SLC39A8: variants seen among roughly 807,000 people sequenced by gnomAD.
SLC39A8 encodes the protein solute carrier family 39 member 8.
SLC39A8 carries 15 observed loss-of-function variants against 40.4 expected under a neutral mutation model. That is an observed-to-expected ratio of 0.37 (90% CI 0.25 to 0.57). The LOEUF is 0.57. Among genes scored for constraint, SLC39A8 ranks in the 20% least tolerant of loss-of-function variants. SLC39A8 has a pLI of 0.75. For missense variants in SLC39A8, 472 were observed against 558.8 expected (o/e 0.84, Z 1.57); for synonymous variants, 223 against 221.6 (o/e 1.01, Z -0.06).
intron 6 of SLC39A8, among the ~76,000 whole-genome samples, chr4:102,295,570 C>A (rs1578585041): frequency 6.6e-6 from 1 of 152,052 alleles, no homozygotes; most frequent in East Asian, 1.9e-4. Context: ...AAGATAGGGT[C>A]TCACTGTTGC....
At chr4:102,344,375 G>A in intron 2 of SLC39A8, 69 bp downstream of exon 2, 1 of 1,087,450 alleles carries the variant, frequency 9.2e-7, no homozygotes, top group Non-Finnish European at 1.3e-6. Context: ...AAATAAAAAC[G>A]GCTCATATAC....
At chr4:102,338,468 T>G (rs555778063) in intron 2 of SLC39A8, among the ~76,000 whole-genome samples, 11 of 152,214 alleles carry the variant, frequency 7.2e-5, no homozygotes, top group South Asian at 4.2e-4. Context: ...TTACAGGCGT[T>G]AGCCACCGCG....
Position 102,304,313 on chromosome 4 carries a change from A to G in SLC39A8, c.840+4T>C, listed in dbSNP as rs1476672051. On this transcript the variant is annotated splice_donor_region_variant and intron_variant, in intron 6 of 8. Coordinates refer to ENST00000356736, the MANE Select transcript of SLC39A8 (RefSeq NM_001135146.2). ...AATGAAGGAAAAATGGAATTAACAT[A>G]TACCTGTAGAGATACCACACTGACA... 4 of 1,605,248 alleles carry G rather than the reference A, an allele frequency of 2.5e-6. No homozygotes were observed. The African/African-American group carries it at 5.4e-5, about 22-fold the overall frequency.
chr4:102,334,230 GC>G (rs751035271), intron 2 of SLC39A8, among the ~76,000 whole-genome samples: 5 of 152,162 alleles, frequency 3.3e-5, no homozygotes, highest in African/African-American at 7.2e-5. Flanking sequence ...CCGTGGCCTT[GC>G]TAATACAGCA....
intron 6 of SLC39A8, among the ~76,000 whole-genome samples, chr4:102,296,597 G>A (rs1357959363): frequency 1.3e-5 from 2 of 152,040 alleles, no homozygotes; most frequent in Non-Finnish European, 2.9e-5. Flanking sequence ...TAACAGATGA[G>A]CAAAGGCTCA....
At chr4:102,304,621 T>A in intron 5 of SLC39A8, 140 bp from the exon 6 acceptor site, 2 of 668,266 alleles carry the variant, frequency 3.0e-6, no homozygotes, top group Non-Finnish European at 4.7e-6. Context: ...TTTTTAGATA[T>A]ATAAAATTTC....
At chr4:102,274,769 C>A (rs1406534092) in intron 6 of SLC39A8, among the ~76,000 whole-genome samples, 1 of 152,178 alleles carries the variant, frequency 6.6e-6, no homozygotes, top group African/African-American at 2.4e-5. Context: ...AGAAACTCTA[C>A]AAGCCAGAAG....
intron 6 of SLC39A8, among the ~76,000 whole-genome samples, chr4:102,272,592 A>G (rs960418287): frequency 1.3e-5 from 2 of 152,152 alleles, no homozygotes; most frequent in Admixed American, 6.5e-5. Context: ...CTAAATAAAT[A>G]AACAGATAAA....
intron 6 of SLC39A8, among the ~76,000 whole-genome samples, chr4:102,272,541 G>A (rs932692346): frequency 2.6e-5 from 4 of 152,084 alleles, no homozygotes; most frequent in South Asian, 2.1e-4. Flanking sequence ...CTATGATTGC[G>A]CCACTGCACT....
chr4:102,296,363 A>G (rs1195801068), intron 6 of SLC39A8, among the ~76,000 whole-genome samples: 1 of 152,160 alleles, frequency 6.6e-6, no homozygotes. Context: ...ATAATTAAGC[A>G]TATGGATTTA....
chr4:102,277,767 A>C (rs1732687809), intron 6 of SLC39A8, among the ~76,000 whole-genome samples: 1 of 152,128 alleles, frequency 6.6e-6, no homozygotes, highest in Non-Finnish European at 1.5e-5. Flanking sequence ...AAGACAGCAT[A>C]GTACTGGTAC....
chr4:102,342,840 C>T (rs1198195078), intron 2 of SLC39A8, among the ~76,000 whole-genome samples: 1 of 152,126 alleles, frequency 6.6e-6, no homozygotes, highest in Non-Finnish European at 1.5e-5. Flanking sequence ...AATTCATCAA[C>T]ACCTCCAGAC....
intron 2 of SLC39A8, among the ~76,000 whole-genome samples, chr4:102,325,076 T>C (rs775690015): frequency 6.6e-6 from 1 of 151,840 alleles, no homozygotes; most frequent in Non-Finnish European, 1.5e-5. Context: ...CATACATACT[T>C]ATATATACAT....
At chr4:102,310,713 A>G (rs1174180190) in intron 3 of SLC39A8, among the ~76,000 whole-genome samples, 4 of 152,070 alleles carry the variant, frequency 2.6e-5, no homozygotes, top group Non-Finnish European at 4.4e-5. Context: ...AGCACTTTCC[A>G]CTTAACTGAA....
chr4:102,312,084 T>G (rs1382229141), intron 3 of SLC39A8, among the ~76,000 whole-genome samples: 1 of 152,046 alleles, frequency 6.6e-6, no homozygotes, highest in Non-Finnish European at 1.5e-5. Flanking sequence ...CCAACAATTC[T>G]ATAAAGGTAC....
intron 2 of SLC39A8, among the ~76,000 whole-genome samples, chr4:102,325,378 T>A (rs1441842546): frequency 6.6e-6 from 1 of 151,986 alleles, no homozygotes; most frequent in Non-Finnish European, 1.5e-5. Context: ...CCAACACACA[T>A]GCACTCTCAC....
downstream of SLC39A8, among the ~76,000 whole-genome samples, chr4:102,258,572 C>T (rs1287165084): frequency 6.6e-6 from 1 of 152,178 alleles, no homozygotes; most frequent in African/African-American, 2.4e-5. Flanking sequence ...GGGAAGGAAT[C>T]CTTCTCTTTT....
chr4:102,274,406 A>T (rs1478436092), intron 6 of SLC39A8, among the ~76,000 whole-genome samples: 1 of 152,126 alleles, frequency 6.6e-6, no homozygotes, highest in Non-Finnish European at 1.5e-5. Context: ...TAGAGAAAAA[A>T]CAATGAAGAG....
Position 102,344,799 on chromosome 4 carries a change from C to T in SLC39A8, c.-137G>A, listed in dbSNP as rs1736099560. 1.5e-6 allele frequency: 2 copies of T among 1,321,102 alleles called. No individual in the cohort carries two copies. The highest frequency in any genetic ancestry group is 1.9e-6 in the Non-Finnish European group (2 of 1,040,198). The allele number at this position is 1,321,102 out of a possible 1,614,324, so 81.8% of individuals were successfully genotyped here. On this transcript the variant is annotated 5_prime_UTR_variant, in exon 2 of 9. Transcript: ENST00000356736. ...TCCGAGTCAGAGGTGGCGCGGGACG[C>T]CCCTGGTTCTCCGACGCCTTCGAAA...
Sources: gnomAD v4.1 joint callset for allele counts (sites outside exome capture counted in the v4.1 genomes callset) on GRCh38, gnomAD v4.1.1 for gene constraint, MANE v1.5 for transcripts, NCBI Gene and HGNC (gene_info 2026-07-23, HGNC 2026-07-21) for gene names.